RGPD3: variants seen among roughly 807,000 people sequenced by gnomAD.
RGPD3 encodes ranBP2-like and GRIP domain-containing protein 3.
In RGPD3, 62 loss-of-function variants were observed where a neutral mutation model predicts 154.5. The observed-to-expected ratio is 0.40, with a 90% CI of 0.33 to 0.50. RGPD3 has a LOEUF of 0.50. RGPD3 is among the 20% of genes least tolerant of loss of function. RGPD3 has a pLI of 0.59. For missense variants in RGPD3, 919 were observed against 1,716.8 expected (o/e 0.54, Z 8.21); for synonymous variants, 308 against 607.0 (o/e 0.51, Z 7.24).
At chr2:106,446,382 A>G (rs1677932288) in intron 7 of RGPD3, among the ~76,000 whole-genome samples, 1 of 152,114 alleles carries the variant, frequency 6.6e-6, no homozygotes, top group African/African-American at 2.4e-5. Flanking sequence ...CCTGGCTAAC[A>G]TGGTGAAACC....
chr2:106,468,665 G>C (rs1045316589), upstream of RGPD3, among the ~76,000 whole-genome samples: 1 of 152,088 alleles, frequency 6.6e-6, no homozygotes, highest in African/African-American at 2.4e-5. Flanking sequence ...AATTAGCCAG[G>C]TGTGGTGGCA....
chr2:106,467,458 A>C (rs1245000261), intron 1 of RGPD3, among the ~76,000 whole-genome samples: 8 of 42,854 alleles, frequency 1.9e-4, no homozygotes, highest in South Asian at 1.5e-3. Context: ...CCGCCGCCTC[A>C]ACAGAGCGCG....
chr2:106,439,904 C>T (rs1243903460), intron 8 of RGPD3, among the ~76,000 whole-genome samples: 1 of 136,842 alleles, frequency 7.3e-6, no homozygotes, highest in African/African-American at 2.6e-5. Context: ...GGCCTTGTTC[C>T]CAGAGATTTT....
chr2:106,415,826 G>A, intron 21 of RGPD3, 24 bp downstream of exon 21: 2 of 1,611,630 alleles, frequency 1.2e-6, no homozygotes, highest in Non-Finnish European at 1.7e-6. Flanking sequence ...CAGTTTTTAT[G>A]GTGGCCAGGT....
In RGPD3 at chr2:106,418,211, C is replaced by T. The variant is rs1291808026; in HGVS notation, c.4925-2222G>A. On this transcript the variant is annotated intron_variant, in intron 20 of 22. Transcript: ENST00000409886. The stretch of plus-strand genomic sequence containing the variant: ...TTTAATAGCAGCTATAAATTAATTG[C>T]TACTAGCTAAGACAAACTGTTAGAT... Among the ~76,000 whole-genome samples the T allele has an allele frequency of 5.5e-5, 8 of 145,192 alleles. 1 individual carries two copies. In the Admixed American group the frequency reaches 5.6e-4, roughly 10 times the overall value.
chr2:106,466,968 C>A (rs1421099232), intron 1 of RGPD3, among the ~76,000 whole-genome samples: 1 of 118,758 alleles, frequency 8.4e-6, no homozygotes, highest in South Asian at 3.3e-4. Context: ...CCATCGAGGC[C>A]GCCGCAGGGC....
intron 20 of RGPD3, among the ~76,000 whole-genome samples, chr2:106,421,603 T>C (rs1255314928): frequency 6.6e-6 from 1 of 151,902 alleles, no homozygotes; most frequent in Non-Finnish European, 1.5e-5. Context: ...GCCACACTTC[T>C]AAAAATGATC....
At chr2:106,449,443 G>A (rs1226329492) in intron 6 of RGPD3, among the ~76,000 whole-genome samples, 1 of 112,628 alleles carries the variant, frequency 8.9e-6, no homozygotes, top group South Asian at 2.8e-4. Flanking sequence ...TCTAGCCTGG[G>A]CAACAAGAGC....
At chr2:106,449,179 T>C (rs1257329102) in intron 6 of RGPD3, among the ~76,000 whole-genome samples, 1 of 151,638 alleles carries the variant, frequency 6.6e-6, no homozygotes, top group Non-Finnish European at 1.5e-5. Context: ...AAAATGCTAT[T>C]ATTGGCCCTG....
intron 21 of RGPD3, among the ~76,000 whole-genome samples, chr2:106,415,450 G>A (rs1162396309): frequency 1.3e-5 from 2 of 152,108 alleles, no homozygotes; most frequent in Admixed American, 1.3e-4. Context: ...GGCCAAGGCA[G>A]GTGGATCATG....
In RGPD3 at chr2:106,438,785, A is replaced by AAAC. The variant is rs1206176737; in HGVS notation, c.1276+180_1276+182dup. Among the ~76,000 whole-genome samples the AAAC allele has an allele frequency of 1.4e-3, 191 of 141,222 alleles. 1 individual carries two copies. The highest frequency in any genetic ancestry group is 4.6e-3 in the African/African-American group (175 of 38,142). 92.6% of individuals were successfully genotyped at this position (141,222 alleles called of 152,430 possible). ...CGACAAGAGCAAAACTTGGTCTCAA[A>AAAC]AACAACAACAACAACAAAAAATACA... On this transcript the variant is annotated intron_variant, in intron 9 of 22. Coordinates refer to ENST00000409886, the MANE Select transcript of RGPD3 (RefSeq NM_001144013.2).
At chr2:106,438,490 A>C (rs1677644689) in intron 9 of RGPD3, among the ~76,000 whole-genome samples, 1 of 147,852 alleles carries the variant, frequency 6.8e-6, no homozygotes, top group Admixed American at 6.8e-5. Flanking sequence ...CCTGTCTCAA[A>C]ATACAACAAG....
chr2:106,470,618 C>G (rs200204138), upstream of RGPD3, among the ~76,000 whole-genome samples: 23,475 of 150,420 alleles, frequency 0.16, 1,345 homozygotes, highest in South Asian at 0.23. Context: ...CTCTCCAGCA[C>G]CTTCAAAAAG....
Position 106,417,740 on chromosome 2 carries a change from C to A in RGPD3, c.4925-1751G>T, listed in dbSNP as rs1216802670. Among the ~76,000 whole-genome samples, 2 of 149,438 alleles carry A rather than the reference C, an allele frequency of 1.3e-5. 1 individual carries two copies. The highest frequency in any genetic ancestry group is 3.0e-5 in the Non-Finnish European group (2 of 67,626). On this transcript the variant is annotated intron_variant, in intron 20 of 22. Transcript: ENST00000409886. ...CTATTGATTCGGCCTTACAGAGGTACACAAAATGAAAATATCAAATGATAA... is the reference window on the plus strand; with the variant it reads ...CTATTGATTCGGCCTTACAGAGGTAAACAAAATGAAAATATCAAATGATAA...
intron 22 of RGPD3, among the ~76,000 whole-genome samples, chr2:106,407,175 C>G (rs1161125197): frequency 2.0e-5 from 3 of 151,120 alleles, no homozygotes; most frequent in Non-Finnish European, 4.4e-5. Context: ...AAACTGATGG[C>G]CTGTGTTCCT....
At chr2:106,441,605 C>A (rs1275857944) in intron 7 of RGPD3, among the ~76,000 whole-genome samples, 2 of 151,046 alleles carry the variant, frequency 1.3e-5, no homozygotes, top group African/African-American at 4.9e-5. Context: ...AATCCCAACA[C>A]TCTGTCTGGG....
chr2:106,469,166 T>TA (rs1678747902), upstream of RGPD3, among the ~76,000 whole-genome samples: 1 of 133,916 alleles, frequency 7.5e-6, no homozygotes, highest in East Asian at 2.0e-4. Context: ...GTATTTATTC[T>TA]ATTCCAGATT....
chr2:106,470,877 A>G (rs1678796662), upstream of RGPD3: 1 of 1,598,970 alleles, frequency 6.3e-7, no homozygotes, highest in Non-Finnish European at 8.5e-7. Flanking sequence ...GGGCCGAGGC[A>G]TTGTGTTGGA....
In RGPD3 at chr2:106,467,893, C is replaced by G. The variant is rs776802931; in HGVS notation, c.72+324G>C. ...CATCGAGGCCGCCGCAGGGCCAGGT[C>G]GAGGCCGGCGCCTCAACAGAGCGCG... is the stretch of plus-strand genomic sequence containing the variant. On this transcript the variant is annotated intron_variant, in intron 1 of 22. Coordinates refer to ENST00000409886, the MANE Select transcript of RGPD3 (RefSeq NM_001144013.2). 9.5e-3 allele frequency among the ~76,000 whole-genome samples: 1,318 copies of G among 139,008 alleles called. 2 individuals carry two copies. The highest frequency in any genetic ancestry group is 0.014 in the Non-Finnish European group (919 of 63,542). 91.2% of individuals were successfully genotyped at this position (139,008 alleles called of 152,430 possible).
Sources: allele counts gnomAD v4.1 joint callset (sites outside exome capture counted in the v4.1 genomes callset), GRCh38; gene constraint gnomAD v4.1.1; transcripts MANE v1.5; gene names NCBI Gene and HGNC (gene_info 2026-07-23, HGNC 2026-07-21).